Variants in PRKG1 observed in about 807,000 individuals in gnomAD.
The protein encoded by PRKG1 is protein kinase cGMP-dependent 1, also known as cGMP-dependent protein kinase 1.
In PRKG1, 35 loss-of-function variants were observed where a neutral mutation model predicts 88.1. The ratio of observed to expected loss-of-function variants is 0.40; its 90% confidence interval spans 0.30 to 0.53. PRKG1 has a LOEUF of 0.53. PRKG1 is among the 20% of genes least tolerant of loss of function. The pLI, the probability that PRKG1 is intolerant of heterozygous loss-of-function variation, is 0.59. For synonymous variants in PRKG1, 303 were observed against 292.5 expected (o/e 1.04, Z -0.37); for missense variants, 540 against 839.8 (o/e 0.64, Z 4.41).
At chr10:51,485,038 A>G (rs1840488993) in intron 3 of PRKG1, among the ~76,000 whole-genome samples, 1 of 152,222 alleles carries the variant, frequency 6.6e-6, no homozygotes, top group Non-Finnish European at 1.5e-5. Context: ...AGGCTGTTCC[A>G]GGTTGTTAAG....
At chr10:51,060,215 T>C (rs146573932) in intron 1 of PRKG1, among the ~76,000 whole-genome samples, 117 of 152,110 alleles carry the variant, frequency 7.7e-4, no homozygotes, top group African/African-American at 2.7e-3. Context: ...TCTTGTAAAA[T>C]ATATATAGTT....
At chr10:51,793,803 C>T (rs1177489222) in intron 3 of PRKG1, among the ~76,000 whole-genome samples, 1 of 152,032 alleles carries the variant, frequency 6.6e-6, no homozygotes, top group African/African-American at 2.4e-5. Context: ...ACTCTGTTGC[C>T]CAGGCTGGAG....
At position 52,297,407 on chromosome 10, in the gene PRKG1, C is replaced by T. The variant is rs1426637626; in HGVS notation, c.*3507C>T. 2.0e-5 allele frequency: 3 copies of T among 152,112 alleles called. No homozygotes were observed. Among genetic ancestry groups the T allele is most frequent in the African/African-American group, 7.2e-5 (3 of 41,440 alleles). The allele number at this position is 152,112 out of a possible 1,614,324, so 9.4% of individuals were successfully genotyped here. A position where few individuals can be genotyped will look rare whatever the true frequency, so the allele number is the denominator to read the frequency against. ...AAAAAACAAATTTGGTGTTATGCTG[C>T]ATGACAAAGACAAACACACCTCAAA... On this transcript the variant is annotated 3_prime_UTR_variant, in exon 18 of 18. Transcript: ENST00000373980.
At chr10:51,804,212 C>T (rs1001862720) in intron 3 of PRKG1, among the ~76,000 whole-genome samples, 2 of 151,984 alleles carry the variant, frequency 1.3e-5, no homozygotes, top group African/African-American at 2.4e-5. Flanking sequence ...TGGGTAATTA[C>T]TAGGGTTTAT....
intron 2 of PRKG1, among the ~76,000 whole-genome samples, chr10:51,238,346 C>T (rs911895284): frequency 6.6e-6 from 1 of 152,090 alleles, no homozygotes; most frequent in Non-Finnish European, 1.5e-5. Flanking sequence ...TTTGAGAGGC[C>T]GAAGCAGGCA....
chr10:52,136,616 T>C (rs190022321), intron 8 of PRKG1, among the ~76,000 whole-genome samples: 1 of 152,192 alleles, frequency 6.6e-6, no homozygotes, highest in African/African-American at 2.4e-5. Flanking sequence ...ATTACTTAAA[T>C]TCTGAGTCTC....
At chr10:51,281,516 G>T (rs139226970) in intron 2 of PRKG1, among the ~76,000 whole-genome samples, 1 of 152,150 alleles carries the variant, frequency 6.6e-6, no homozygotes, top group Non-Finnish European at 1.5e-5. Flanking sequence ...AGGGGTGCCC[G>T]CCATTGCTCA....
intron 9 of PRKG1, among the ~76,000 whole-genome samples, chr10:52,239,521 TAA>T: frequency 1.1e-4 from 6 of 56,736 alleles, no homozygotes; most frequent in African/African-American, 3.2e-4. Flanking sequence ...TTCTACAGTG[TAA>T]AAAAAAAAAA....
At chr10:51,054,018 T>C (rs1843598601) in intron 1 of PRKG1, among the ~76,000 whole-genome samples, 1 of 152,216 alleles carries the variant, frequency 6.6e-6, no homozygotes, top group Admixed American at 6.5e-5. Context: ...TAGAAGACTA[T>C]ATGTGAAACC....
At chr10:51,978,674 A>C (rs1444705079) in intron 5 of PRKG1, among the ~76,000 whole-genome samples, 1 of 151,586 alleles carries the variant, frequency 6.6e-6, no homozygotes, top group Non-Finnish European at 1.5e-5. Context: ...GAGATTTTTC[A>C]CCTCACTAGT....
intron 9 of PRKG1, among the ~76,000 whole-genome samples, chr10:52,195,838 A>C (rs1839490392): frequency 6.6e-6 from 1 of 152,168 alleles, no homozygotes; most frequent in South Asian, 2.1e-4. Flanking sequence ...TCAAAAACTT[A>C]TAGTCAGATA....
intron 2 of PRKG1, among the ~76,000 whole-genome samples, chr10:51,377,686 T>C (rs550700399): frequency 6.6e-6 from 1 of 152,150 alleles, no homozygotes; most frequent in East Asian, 1.9e-4. Flanking sequence ...TTTAAAAAAA[T>C]AAATTGAAAG....
chr10:52,188,217 TA>T lies in PRKG1; in HGVS notation c.1076+26255del, dbSNP rs1477478922. On this transcript the variant is annotated intron_variant, in intron 9 of 17. Coordinates refer to ENST00000373980, the MANE Select transcript of PRKG1 (RefSeq NM_006258.4). ...GTGTGTGTGTATATATATATGTGTA[TA>T]TATATACATATGTATATATATACAT... is the stretch of plus-strand genomic sequence containing the variant. Among the ~76,000 whole-genome samples, 290 of 50,334 alleles carry T rather than the reference TA, an allele frequency of 5.8e-3. 5 individuals carry two copies. The highest frequency in any genetic ancestry group is 0.019 in the African/African-American group (274 of 14,426). 33.0% of individuals were successfully genotyped at this position (50,334 alleles called of 152,430 possible).
At chr10:51,852,561 A>G (rs1840586739) in intron 4 of PRKG1, among the ~76,000 whole-genome samples, 1 of 152,116 alleles carries the variant, frequency 6.6e-6, no homozygotes, top group Non-Finnish European at 1.5e-5. Context: ...GTTGGTGAGT[A>G]CCTGAGCCAA....
intron 3 of PRKG1, among the ~76,000 whole-genome samples, chr10:51,631,378 GC>G (rs1170211817): frequency 6.6e-6 from 1 of 152,142 alleles, no homozygotes; most frequent in African/African-American, 2.4e-5. Context: ...TAATAGGTGG[GC>G]CATGCATGGA....
At position 50,991,405 on chromosome 10, in the gene PRKG1, C is replaced by G; in HGVS notation, c.27C>G (p.Ala9=). The G allele has an allele frequency of 6.4e-7, 1 of 1,559,010 alleles. No homozygotes were observed. The highest frequency in any genetic ancestry group is 1.2e-5 in the South Asian group (1 of 84,432). ...TGAGCGAGCTAGAGGAAGACTTTGC[C>G]AAGATTCTCATGCTCAAGGAGGAGA... Residue 9 remains alanine (A), a synonymous_variant, in exon 1 of 18, where the codon GCC becomes GCG. Transcript: ENST00000401604. This position sits in a 1 kb window ranked among gnomAD's most constrained non-coding sequence, Gnocchi z 4.5.
At chr10:52,203,953 G>A (rs894645995) in intron 9 of PRKG1, among the ~76,000 whole-genome samples, 3 of 152,016 alleles carry the variant, frequency 2.0e-5, no homozygotes, top group African/African-American at 7.3e-5. Context: ...CATACAGTTG[G>A]GTCTTGCTTC....
chr10:52,083,075 C>T (rs1045014151), intron 7 of PRKG1, among the ~76,000 whole-genome samples: 1 of 151,940 alleles, frequency 6.6e-6, no homozygotes, highest in East Asian at 1.9e-4. Context: ...GCCAGAAATT[C>T]GTCATTTTTG....
intron 2 of PRKG1, among the ~76,000 whole-genome samples, chr10:51,203,381 C>T (rs969974105): frequency 6.6e-6 from 1 of 152,068 alleles, no homozygotes; most frequent in Non-Finnish European, 1.5e-5. Context: ...GTTATATTTT[C>T]GTCTCTCCTT....
Sources: gnomAD v4.1 joint callset for allele counts (sites outside exome capture counted in the v4.1 genomes callset) on GRCh38, gnomAD v4.1.1 for gene constraint, Gnocchi (gnomAD v3.1) non-coding constraint, MANE v1.5 for transcripts, NCBI Gene and HGNC (gene_info 2026-07-23, HGNC 2026-07-21) for gene names.